Variants in EXT1 observed in about 807,000 individuals in gnomAD.
EXT1 encodes the protein exostosin glycosyltransferase 1, also known as exostosin-1.
A neutral mutation model predicts 82.5 loss-of-function variants in EXT1; 20 were observed. The ratio of observed to expected loss-of-function variants is 0.24; its 90% CI spans 0.17 to 0.35. The LOEUF is 0.35. Ranked by LOEUF, EXT1 falls within the 10% of genes least tolerant of loss-of-function variation. The pLI is 1.00. For missense variants in EXT1, 757 were observed against 936.5 expected, an observed-to-expected ratio of 0.81 and a Z score of 2.50; for synonymous variants, 348 against 350.8, an observed-to-expected ratio of 0.99 and a Z score of 0.09.
chr8:118,046,683 A>T (rs189488025), intron 1 of EXT1, among the ~76,000 whole-genome samples: 1 of 152,350 alleles, frequency 6.6e-6, no homozygotes, highest in African/African-American at 2.4e-5. Context: ...CCCTTCTAAA[A>T]TTGAAAACTC....
intron 1 of EXT1, among the ~76,000 whole-genome samples, chr8:117,914,178 G>A (rs1378033157): frequency 6.6e-6 from 1 of 151,450 alleles, no homozygotes; most frequent in Non-Finnish European, 1.5e-5. Flanking sequence ...GGACCGGCTG[G>A]AGCCTCGGCA....
At chr8:117,818,395 T>G in intron 7 of EXT1, 40 bp downstream of exon 7, 2 of 1,558,212 alleles carry the variant, frequency 1.3e-6, no homozygotes, top group Non-Finnish European at 1.8e-6. Flanking sequence ...AAACCAAGGC[T>G]CCACAGTGGT....
At chr8:118,109,043 G>C (rs553409924) in intron 1 of EXT1, among the ~76,000 whole-genome samples, 79 of 152,212 alleles carry the variant, frequency 5.2e-4, no homozygotes, top group South Asian at 2.1e-3. Flanking sequence ...GAGTCTGGGC[G>C]GCAACCCCAC....
At chr8:118,021,760 C>T (rs187273749) in intron 1 of EXT1, among the ~76,000 whole-genome samples, 2 of 152,312 alleles carry the variant, frequency 1.3e-5, no homozygotes, top group African/African-American at 4.8e-5. Flanking sequence ...ACATCCCTGA[C>T]ACCCCAGACT....
intron 1 of EXT1, among the ~76,000 whole-genome samples, chr8:118,003,763 T>C (rs1306372198): frequency 6.6e-6 from 1 of 152,222 alleles, no homozygotes; most frequent in Non-Finnish European, 1.5e-5. Flanking sequence ...TTACTAAGTT[T>C]TCTTTTTAAG....
At chr8:118,083,957 A>T (rs1364394453) in intron 1 of EXT1, among the ~76,000 whole-genome samples, 1 of 152,118 alleles carries the variant, frequency 6.6e-6, no homozygotes, top group Non-Finnish European at 1.5e-5. Flanking sequence ...TGAACCCGGG[A>T]GGCAGAGGCT....
intron 1 of EXT1, among the ~76,000 whole-genome samples, chr8:117,883,944 C>A (rs1218613285): frequency 6.6e-6 from 1 of 152,216 alleles, no homozygotes; most frequent in Non-Finnish European, 1.5e-5. Context: ...CTTCTGCCTT[C>A]ACATTTGTGA....
At chr8:117,923,090 C>T (rs914375274) in intron 1 of EXT1, among the ~76,000 whole-genome samples, 5 of 151,976 alleles carry the variant, frequency 3.3e-5, no homozygotes, top group African/African-American at 1.2e-4. Context: ...TTTGGGAGGC[C>T]GAGGTGGGTG....
chr8:117,819,283 A>G (rs149009676), intron 6 of EXT1, among the ~76,000 whole-genome samples: 3 of 152,354 alleles, frequency 2.0e-5, no homozygotes, highest in Admixed American at 2.0e-4. Flanking sequence ...CATGACACCA[A>G]CAAGTCTGCT....
chr8:118,028,190 C>T (rs981011412), intron 1 of EXT1, among the ~76,000 whole-genome samples: 1 of 152,318 alleles, frequency 6.6e-6, no homozygotes, highest in South Asian at 2.1e-4. Flanking sequence ...GTGCCCATGC[C>T]TGGACGTCTG....
intron 1 of EXT1, among the ~76,000 whole-genome samples, chr8:117,984,439 C>G (rs371268086): frequency 1.9e-5 from 2 of 103,690 alleles, no homozygotes. Context: ...AAAAACAAAA[C>G]AAAACAAAAC....
intron 1 of EXT1, among the ~76,000 whole-genome samples, chr8:118,074,393 G>T (rs1817165275): frequency 6.6e-6 from 1 of 152,184 alleles, no homozygotes; most frequent in African/African-American, 2.4e-5. Context: ...TAAGTTGCAG[G>T]GAAGCTATTG....
intron 1 of EXT1, among the ~76,000 whole-genome samples, chr8:117,864,982 T>C (rs1463544784): frequency 2.0e-5 from 3 of 152,140 alleles, no homozygotes; most frequent in African/African-American, 7.2e-5. Flanking sequence ...TTCATAACAC[T>C]AGTATTCATT....
At chr8:118,041,949 GA>G (rs1195365553) in intron 1 of EXT1, among the ~76,000 whole-genome samples, 63 of 46,012 alleles carry the variant, frequency 1.4e-3, no homozygotes, top group Non-Finnish European at 2.2e-3. Flanking sequence ...CTCTGCCTCA[GA>G]AAAAAAAAAA....
chr8:117,953,139 A>G (rs2129699316), intron 1 of EXT1, among the ~76,000 whole-genome samples: 1 of 152,200 alleles, frequency 6.6e-6, no homozygotes, highest in Middle Eastern at 3.4e-3. Flanking sequence ...CTGTCACCTT[A>G]TTTTGAACTC....
At chr8:117,904,180 A>C (rs1005293924) in intron 1 of EXT1, among the ~76,000 whole-genome samples, 1 of 152,258 alleles carries the variant, frequency 6.6e-6, no homozygotes, top group African/African-American at 2.4e-5. Context: ...AACTTCTCAA[A>C]TATGAAACTT....
At chr8:117,901,546 A>C (rs969052593) in intron 1 of EXT1, among the ~76,000 whole-genome samples, 2 of 152,162 alleles carry the variant, frequency 1.3e-5, no homozygotes, top group African/African-American at 4.8e-5. Context: ...CACTACATTT[A>C]TTTTAAATTT....
chr8:117,815,835 C>A (rs1257515544), intron 7 of EXT1, among the ~76,000 whole-genome samples: 1 of 151,268 alleles, frequency 6.6e-6, no homozygotes, highest in East Asian at 1.9e-4. Context: ...GAGGCTGAGG[C>A]AGGAGAATCG....
At chr8:118,029,259 T>C (rs541333357) in intron 1 of EXT1, among the ~76,000 whole-genome samples, 1 of 152,008 alleles carries the variant, frequency 6.6e-6, no homozygotes, top group Admixed American at 6.6e-5. Context: ...TAAGACCCAG[T>C]CTCTACAAAA....
Sources: allele counts gnomAD v4.1 joint callset (sites outside exome capture counted in the v4.1 genomes callset), GRCh38; gene constraint gnomAD v4.1.1; transcripts MANE v1.5; gene names NCBI Gene and HGNC (gene_info 2026-07-23, HGNC 2026-07-21).